Variants in SRRM2 observed in about 807,000 individuals in gnomAD.
SRRM2 encodes serine/arginine repetitive matrix 2, also known as serine/arginine repetitive matrix protein 2.
A neutral mutation model predicts 213.8 loss-of-function variants in SRRM2; 30 were observed. The ratio of observed to expected loss-of-function variants is 0.14; its 90% CI spans 0.10 to 0.19. The LOEUF is 0.19. Ranked by LOEUF, SRRM2 falls within the 10% of genes least tolerant of loss-of-function variation. SRRM2 has a pLI of 1.00. For missense variants in SRRM2, 4,904 were observed against 3,647.0 expected (o/e 1.34, Z -8.88); for synonymous variants, 2,025 against 1,377.7 (o/e 1.47, Z -10.40).
intron 2 of SRRM2, 29 bp downstream of exon 2, chr16:2,756,635 A>G (rs375618111): frequency 2.5e-6 from 4 of 1,596,066 alleles, no homozygotes; most frequent in Non-Finnish European, 3.4e-6. Flanking sequence ...AGAGTCAAGC[A>G]CTGAATGAGT....
intron 12 of SRRM2, chr16:2,770,036 C>T (rs2068686755): frequency 1.2e-6 from 1 of 867,522 alleles, no homozygotes; most frequent in Admixed American, 3.1e-5. Flanking sequence ...TGTCCCCCTC[C>T]CTTGGGTCCC....
At chr16:2,768,870 G>T in intron 11 of SRRM2, 127 bp from the exon 12 acceptor site, 1 of 1,540,502 alleles carries the variant, frequency 6.5e-7, no homozygotes, top group Non-Finnish European at 8.7e-7. Context: ...GCTGGCTCAC[G>T]TGGCTCGGAG....
rs772090069 is a variant in SRRM2 at position 2,752,695 on chromosome 16, C to A, written c.-183C>A. ...CGAGTGGCGCAGTTGGAGCCCGTTG[C>A]GGCCCCTGAGGAAGCGAGGAGGCGT... On this transcript the variant is annotated 5_prime_UTR_variant, in exon 1 of 15. Coordinates refer to ENST00000301740, the MANE Select transcript of SRRM2 (RefSeq NM_016333.4). 2.2e-5 allele frequency: 7 copies of A among 323,962 alleles called. No homozygotes were observed. The highest frequency in any genetic ancestry group is 6.9e-5 in the African/African-American group (3 of 43,410). 20.1% of individuals were successfully genotyped at this position (323,962 alleles called of 1,614,324 possible). A position where few individuals can be genotyped will look rare whatever the true frequency, so the allele number is the denominator to read the frequency against.
chr16:2,757,969 G>A (rs1391667764), intron 4 of SRRM2, 24 bp downstream of exon 4: 13 of 1,590,930 alleles, frequency 8.2e-6, no homozygotes, highest in African/African-American at 1.4e-5. Context: ...AGAAACCACT[G>A]TCAGCTTCTT....
intron 10 of SRRM2, 108 bp downstream of exon 10, chr16:2,760,607 G>GT (rs1041993768): frequency 1.1e-4 from 150 of 1,330,542 alleles, no homozygotes; most frequent in Admixed American, 3.4e-4. Context: ...AATAAATTCA[G>GT]TTTTTTTTCC....
chr16:2,752,759 G>A lies in SRRM2; in HGVS notation c.-119G>A. The A allele has an allele frequency of 5.5e-6, 2 of 361,676 alleles. No individual in the cohort carries two copies. The highest frequency in any genetic ancestry group is 1.8e-5 in the South Asian group (1 of 54,064). The allele number at this position is 361,676 out of a possible 1,614,324, so 22.4% of individuals were successfully genotyped here. A position where few individuals can be genotyped will look rare whatever the true frequency, so the allele number is the denominator to read the frequency against. On this transcript the variant is annotated 5_prime_UTR_variant, in exon 1 of 15. Coordinates refer to ENST00000301740, the MANE Select transcript of SRRM2 (RefSeq NM_016333.4). The stretch of plus-strand genomic sequence containing the variant: ...GGCGGGCGGACCGGCGAGGCGAGGC[G>A]GCGGCCCCAGGCCCGAGGGACTCGG...
chr16:2,767,407 A>T lies in SRRM2; in HGVS notation c.6879A>T (p.Pro2293=). The stretch of plus-strand genomic sequence containing the variant: ...CTGACCCTCGCACTCCCACAGCCCC[A>T]GCTGTGAACCTAGCAGGGGCCAGAA... ...NLADPRTPTA[P]AVNLAGARTP... Residue 2293 remains proline (P), a synonymous_variant, in exon 11 of 15, where the codon CCA becomes CCT. Coordinates refer to ENST00000301740, the MANE Select transcript of SRRM2 (RefSeq NM_016333.4). 6 of 1,613,986 alleles carry T rather than the reference A, an allele frequency of 3.7e-6. No homozygotes were observed. Among genetic ancestry groups the T allele is most frequent in the Non-Finnish European group, 5.1e-6 (6 of 1,180,004 alleles).
At chr16:2,761,378 T>C (rs1303429826) in intron 10 of SRRM2, among the ~76,000 whole-genome samples, 183 bp from the exon 11 acceptor site, 5 of 152,266 alleles carry the variant, frequency 3.3e-5, no homozygotes, top group Admixed American at 1.3e-4. Context: ...TGGCTATCCA[T>C]ATATTCATAT....
intron 2 of SRRM2, 39 bp from the exon 3 acceptor site, chr16:2,757,433 G>A: frequency 6.3e-7 from 1 of 1,584,836 alleles, no homozygotes; most frequent in Non-Finnish European, 8.7e-7. Flanking sequence ...TGGGGAAAGT[G>A]TCCTGTCGAG....
At position 2,769,307 on chromosome 16, in the gene SRRM2, T is replaced by C. The variant is rs750374806; in HGVS notation, c.8021+23T>C. The C allele has an allele frequency of 5.2e-6, 8 of 1,535,874 alleles. No individual in the cohort carries two copies. In the South Asian group the frequency reaches 1.0e-4, roughly 20 times the overall value. ...GAGGTGAGTGCTGTCTTGCCTGAGT[T>C]GAAAGGTGGGTGGGGGAGTGACTTG... On this transcript the variant is annotated intron_variant, in intron 12 of 14. Transcript: ENST00000301740.
rs114758835 is a variant in SRRM2 at position 2,769,333 on chromosome 16, T to A, written c.8021+49T>A. On this transcript the variant is annotated intron_variant, in intron 12 of 14. Coordinates refer to ENST00000301740, the MANE Select transcript of SRRM2 (RefSeq NM_016333.4). ...GAAAGGTGGGTGGGGGAGTGACTTG[T>A]CCAGAGAAGGGGCCCTGGGGTGTGA... 1.0e-3 allele frequency: 1,519 copies of A among 1,521,610 alleles called. 21 individuals carry two copies. The African/African-American group carries it at 0.02, about 20-fold the overall frequency. The allele number at this position is 1,521,610 out of a possible 1,614,324, so 94.3% of individuals were successfully genotyped here. A position where few individuals can be genotyped will look rare whatever the true frequency, so the allele number is the denominator to read the frequency against.
rs748318465 is a variant in SRRM2, at chr16:2,765,047, A to T, written c.4519A>T (p.Asn1507Tyr). 1 of 1,614,024 alleles carries T rather than the reference A, an allele frequency of 6.2e-7. No homozygotes were observed. Among genetic ancestry groups the T allele is most frequent in the South Asian group, 1.1e-5 (1 of 91,086 alleles). ...SRSPSSPELN[N>Y]KCLTPQRERS... ...TTCTCCATCATCCCCAGAGCTCAAC[A>T]ACAAGTGTCTTACCCCCCAGAGAGA... Residue 1507 changes from asparagine to tyrosine, a missense_variant, in exon 11 of 15, where the codon AAC (asparagine) becomes TAC (tyrosine). Transcript: ENST00000301740.
At chr16:2,757,444 C>T (rs1160796365) in intron 2 of SRRM2, 28 bp from the exon 3 acceptor site, 2 of 1,606,306 alleles carry the variant, frequency 1.2e-6, no homozygotes, top group South Asian at 1.1e-5. Flanking sequence ...TCCTGTCGAG[C>T]TTAACCCTGA....
intron 1 of SRRM2, chr16:2,753,351 C>G (rs1468074366): frequency 6.6e-6 from 1 of 152,260 alleles, no homozygotes; most frequent in Non-Finnish European, 1.5e-5. Context: ...TCCCCCATTC[C>G]GCAAGGCCGA....
At position 2,764,398 on chromosome 16, in the gene SRRM2, G is replaced by A. The variant is rs2068467462; in HGVS notation, c.3870G>A (p.Gln1290=). ...VSLTLDQSQS[Q]ASLEAVEVPS... ...TGACTCTTGATCAGAGCCAGTCACA[G>A]GCTTCTTTGGAAGCAGTAGAAGTCC... Residue 1290 remains glutamine (Q), a synonymous_variant, in exon 11 of 15, where the codon CAG becomes CAA. Transcript: ENST00000301740. The A allele has an allele frequency of 6.2e-7, 1 of 1,613,264 alleles. No individual in the cohort carries two copies. The highest frequency in any genetic ancestry group is 1.7e-5 in the Admixed American group (1 of 59,838).
Position 2,763,411 on chromosome 16 carries a change from C to T in SRRM2, c.2883C>T (p.Ser961=). The part of the protein sequence containing the change: ...RSVSPCSNVE[S]RLLPRYSHSG... ...TATCTCCCTGCTCCAATGTGGAATC[C>T]AGATTGTTGCCAAGATACAGTCATT... is the stretch of plus-strand genomic sequence containing the variant. Residue 961 remains serine (S), a synonymous_variant, in exon 11 of 15, where the codon TCC becomes TCT. Coordinates refer to ENST00000301740, the MANE Select transcript of SRRM2 (RefSeq NM_016333.4). 2 of 1,614,216 alleles carry T rather than the reference C, an allele frequency of 1.2e-6. No homozygotes were observed. Among genetic ancestry groups the T allele is most frequent in the Non-Finnish European group, 1.7e-6 (2 of 1,180,038 alleles).
chr16:2,758,146 A>C (rs2068213681), intron 4 of SRRM2, among the ~76,000 whole-genome samples: 1 of 152,190 alleles, frequency 6.6e-6, no homozygotes, highest in Non-Finnish European at 1.5e-5. Context: ...AAGCTCAGGC[A>C]GGAGATCACT....
Position 2,769,001 on chromosome 16 carries a change from C to T in SRRM2, c.7738C>T (p.Pro2580Ser), listed in dbSNP as rs775425274. 2 of 1,613,362 alleles carry T rather than the reference C, an allele frequency of 1.2e-6. No homozygotes were observed. Among genetic ancestry groups the T allele is most frequent in the Non-Finnish European group, 1.7e-6 (2 of 1,179,552 alleles). Reference sequence around the variant, plus strand: ...GACACTCCTCTCCTCCCACAGGGTCCCCAGCCCCACCCCAGCCCCAAAGGA... The same window carrying T: ...GACACTCCTCTCCTCCCACAGGGTCTCCAGCCCCACCCCAGCCCCAAAGGA... Reference protein sequence around the residue: ...VQPEVALKRVPSPTPAPKEAV... With the variant: ...VQPEVALKRVSSPTPAPKEAV... The change falls in exon 12 of 15, where the codon CCC becomes TCC. Residue 2580 changes from proline (P) to serine (S), a missense_variant. By Grantham distance (74) the Pro-to-Ser change is moderately conservative. Transcript: ENST00000301740.
rs530565370 is a variant in SRRM2 at position 2,767,885 on chromosome 16, T to TCTG, written c.7360_7362dup (p.Ala2454dup). On this transcript the variant is annotated inframe_insertion, in exon 11 of 15. Coordinates refer to ENST00000301740, the MANE Select transcript of SRRM2 (RefSeq NM_016333.4). ...GGATCAGCCGAGGTCTCCTGTGCCTTCTGCTTTTTCAGACCAATCCCGTTG... is the reference window on the plus strand; with the variant it reads ...GGATCAGCCGAGGTCTCCTGTGCCTTCTGCTGCTTTTTCAGACCAATCCCGTTG... The TCTG allele has an allele frequency of 6.2e-7, 1 of 1,614,032 alleles. No homozygotes were observed. The highest frequency in any genetic ancestry group is 1.1e-5 in the South Asian group (1 of 91,090).
Sources: gnomAD v4.1 joint callset for allele counts (sites outside exome capture counted in the v4.1 genomes callset) on GRCh38, gnomAD v4.1.1 for gene constraint, MANE v1.5 for transcripts, NCBI Gene and HGNC (gene_info 2026-07-23, HGNC 2026-07-21) for gene names.